Variants in CPNE1 observed in about 807,000 individuals in gnomAD.
CPNE1 encodes the protein copine-1.
A neutral mutation model predicts 63.2 loss-of-function variants in CPNE1; 58 were observed. The observed-to-expected ratio is 0.92, with a 90% CI of 0.74 to 1.14. CPNE1 has a LOEUF of 1.14. CPNE1 is among the 50% of genes most tolerant of loss of function. The pLI is 0.00. For missense variants in CPNE1, 672 were observed against 661.7 expected (o/e 1.02, Z -0.17); for synonymous variants, 237 against 249.0 (o/e 0.95, Z 0.45).
chr20:35,661,672 G>C (rs1485898555), intron 1 of CPNE1, among the ~76,000 whole-genome samples: 1 of 152,124 alleles, frequency 6.6e-6, no homozygotes, highest in East Asian at 1.9e-4. Context: ...ACATATTATG[G>C]CAAGACAGAC....
intron 1 of CPNE1, chr20:35,652,564 C>T: frequency 6.2e-7 from 1 of 1,614,108 alleles, no homozygotes; most frequent in Non-Finnish European, 8.5e-7. Flanking sequence ...ACCTATAGGC[C>T]TGTCATTTAA....
chr20:35,628,154 G>A (rs2031886674), intron 13 of CPNE1, among the ~76,000 whole-genome samples: 1 of 151,124 alleles, frequency 6.6e-6, no homozygotes. Flanking sequence ...GCGTGGTGGT[G>A]GGCGCCTGTA....
intron 1 of CPNE1, among the ~76,000 whole-genome samples, chr20:35,664,190 G>A (rs1382953040): frequency 6.6e-6 from 1 of 152,070 alleles, no homozygotes; most frequent in African/African-American, 2.4e-5. Flanking sequence ...TCCACCTTCA[G>A]GCCACGAAGG....
Position 35,632,396 on chromosome 20 carries a change from G to C in CPNE1, c.310-11C>G, listed in dbSNP as rs1159094350. The C allele has an allele frequency of 1.9e-6, 3 of 1,613,730 alleles. No individual in the cohort carries two copies. In the Admixed American group the frequency reaches 5.0e-5, roughly 27 times the overall value. ...CTGGCTGGACACAATCTGGGGAAAA[G>C]CAGGGAAGGGAGTTTCAGGATAACA... On this transcript the variant is annotated splice_polypyrimidine_tract_variant and intron_variant, in intron 3 of 15. Coordinates refer to ENST00000397443, the MANE Select transcript of CPNE1 (RefSeq NM_152925.3).
Position 35,660,522 on chromosome 20 carries a change from CCTAA to C in CPNE1, c.-1+4234_-1+4237del, listed in dbSNP as rs1253126885. ...GTGTGAGCCACCACGCCTGGCCTAG[CCTAA>C]CTAAGTCTAAGGAGTTTAAAAATTC... is the stretch of plus-strand genomic sequence containing the variant. On this transcript the variant is annotated intron_variant, in intron 1 of 15. Transcript: ENST00000397443. Among the ~76,000 whole-genome samples the C allele has an allele frequency of 5.9e-5, 9 of 152,152 alleles. No individual in the cohort carries two copies. The South Asian group carries it at 8.3e-4, about 14-fold the overall frequency.
chr20:35,659,098 C>G (rs894653337), intron 1 of CPNE1: 1 of 538,974 alleles, frequency 1.9e-6, no homozygotes, highest in Non-Finnish European at 3.4e-6. Flanking sequence ...ATTACGAAGG[C>G]GAGTCTGAAA....
intron 1 of CPNE1, among the ~76,000 whole-genome samples, chr20:35,663,892 A>G (rs1465560189): frequency 1.3e-5 from 2 of 152,148 alleles, no homozygotes; most frequent in Non-Finnish European, 2.9e-5. Context: ...AAACTCAATT[A>G]ACTCTCCATC....
chr20:35,639,231 T>G (rs7272885), intron 1 of CPNE1, among the ~76,000 whole-genome samples: 6,853 of 152,248 alleles, frequency 0.045, 178 homozygotes, highest in African/African-American at 0.078. Context: ...TGAAGAAATG[T>G]GATAAAACAA....
intron 13 of CPNE1, among the ~76,000 whole-genome samples, chr20:35,629,532 TAGTA>T (rs1371166184): frequency 6.6e-6 from 1 of 152,176 alleles, no homozygotes; most frequent in Admixed American, 6.5e-5. Context: ...GGAGAACACT[TAGTA>T]AGTACCAGGC....
rs889067252 is a variant in CPNE1, at chr20:35,663,476, T to A, written c.-1+1284A>T. Reference sequence around the variant, plus strand: ...CCTAGCCTCTCCCTTCAACAAACCTTCAGTTGCCATCACACTTTTTTCCAG... The same window carrying A: ...CCTAGCCTCTCCCTTCAACAAACCTACAGTTGCCATCACACTTTTTTCCAG... On this transcript the variant is annotated intron_variant, in intron 1 of 15. Transcript: ENST00000397443. 2.6e-5 allele frequency among the ~76,000 whole-genome samples: 4 copies of A among 152,290 alleles called. No homozygotes were observed. In the East Asian group the frequency reaches 7.7e-4, roughly 29 times the overall value.
intron 1 of CPNE1, chr20:35,653,369 T>C: frequency 6.2e-7 from 1 of 1,614,152 alleles, no homozygotes; most frequent in Non-Finnish European, 8.5e-7. Flanking sequence ...GCATTGGGCA[T>C]TCCTGGAACT....
chr20:35,632,227 G>GC lies in CPNE1; in HGVS notation c.391dup (p.Ala131GlyfsTer21). 1 of 1,614,026 alleles carries GC rather than the reference G, an allele frequency of 6.2e-7. No individual in the cohort carries two copies. Among genetic ancestry groups the GC allele is most frequent in the Non-Finnish European group, 8.5e-7 (1 of 1,179,958 alleles). ...TACACGATTGTCCTTTAATTCCTGA[G>GC]CTGAGACCTAGGTAGGGGAGACTAC... is the stretch of plus-strand genomic sequence containing the variant. On this transcript the variant is annotated frameshift_variant, in exon 5 of 16. Coordinates refer to ENST00000397443, the MANE Select transcript of CPNE1 (RefSeq NM_152925.3). LOFTEE classifies it high-confidence loss of function.
chr20:35,657,095 GC>G (rs1317433873), intron 1 of CPNE1, among the ~76,000 whole-genome samples: 1 of 152,114 alleles, frequency 6.6e-6, no homozygotes, highest in Non-Finnish European at 1.5e-5. Flanking sequence ...AAAATAAAAA[GC>G]CACCTTCAAA....
intron 1 of CPNE1, among the ~76,000 whole-genome samples, chr20:35,662,707 C>T (rs1008957304): frequency 2.0e-5 from 3 of 152,162 alleles, no homozygotes; most frequent in Non-Finnish European, 2.9e-5. Flanking sequence ...CACTGGATTC[C>T]AGCACCTGGA....
intron 1 of CPNE1, among the ~76,000 whole-genome samples, chr20:35,634,057 C>T (rs1280902727): frequency 6.6e-6 from 1 of 150,644 alleles, no homozygotes; most frequent in South Asian, 2.1e-4. Context: ...GTCAGGAGAT[C>T]GAGACCATCC....
intron 1 of CPNE1, chr20:35,653,164 G>A: frequency 6.2e-7 from 1 of 1,613,570 alleles, no homozygotes; most frequent in South Asian, 1.1e-5. Flanking sequence ...AAAGTTAAAT[G>A]GAGGCCCATT....
chr20:35,634,837 C>A (rs1289892441), intron 1 of CPNE1, among the ~76,000 whole-genome samples: 2 of 151,682 alleles, frequency 1.3e-5, no homozygotes, highest in Non-Finnish European at 2.9e-5. Flanking sequence ...CCCTTGGGTT[C>A]AAGCGATCCC....
In CPNE1 at chr20:35,632,382, C is replaced by T. The variant is rs1163330669; in HGVS notation, c.313G>A (p.Val105Met). The T allele has an allele frequency of 3.1e-6, 5 of 1,614,024 alleles. No individual in the cohort carries two copies. Among genetic ancestry groups the T allele is most frequent in the Non-Finnish European group, 4.2e-6 (5 of 1,179,948 alleles). Reference protein sequence around the residue: ...GGAECSLGQIVSSQVLTLPLM... With the variant: ...GGAECSLGQIMSSQVLTLPLM... ...GGGAGAGTCAGTACCTGGCTGGACA[C>T]AATCTGGGGAAAAGCAGGGAAGGGA... Residue 105 changes from valine to methionine, a missense_variant, in exon 4 of 16, where the codon GTG (valine) becomes ATG (methionine). Physicochemically the swap from Val to Met is conservative, Grantham distance 21 (BLOSUM62 1). Transcript: ENST00000397443.
chr20:35,652,451 T>C, intron 1 of CPNE1: 1 of 1,494,688 alleles, frequency 6.7e-7, no homozygotes, highest in Non-Finnish European at 9.0e-7. Flanking sequence ...AACCTGGAAA[T>C]ACTAGGAAAA....
Sources: allele counts gnomAD v4.1 joint callset (sites outside exome capture counted in the v4.1 genomes callset), GRCh38; gene constraint gnomAD v4.1.1; transcripts MANE v1.5; gene names NCBI Gene and HGNC (gene_info 2026-07-23, HGNC 2026-07-21).